Variants in DNAH3 observed in about 807,000 individuals in gnomAD.
DNAH3 encodes the protein axonemal beta dynein heavy chain 3.
DNAH3 carries 332 observed loss-of-function variants against 432.5 expected under a neutral mutation model. That is an observed-to-expected ratio of 0.77 (90% CI 0.70 to 0.84). The LOEUF is 0.84. Among genes scored for constraint, DNAH3 ranks in the 40% least tolerant of loss-of-function variants. The pLI, the probability that DNAH3 is intolerant of heterozygous loss-of-function variation, is 0.00. For synonymous variants in DNAH3, 1,956 were observed against 1,900.2 expected, an observed-to-expected ratio of 1.03 and a Z score of -0.76; for missense variants, 4,861 against 5,114.0, an observed-to-expected ratio of 0.95 and a Z score of 1.51.
rs749685068 is a variant in DNAH3, at chr16:21,122,137, T to C, written c.1405-13A>G. 2.3e-5 allele frequency: 36 copies of C among 1,597,814 alleles called. No individual in the cohort carries two copies. The highest frequency in any genetic ancestry group is 2.9e-5 in the Non-Finnish European group (34 of 1,173,320). On this transcript the variant is annotated splice_polypyrimidine_tract_variant and intron_variant, in intron 9 of 61. Transcript: ENST00000261383. The stretch of plus-strand genomic sequence containing the variant: ...AATCATTCCCATCCTTCAGGAGACA[T>C]AAGGTAGGGCAAGCGTTACAAAATT...
intron 50 of DNAH3, among the ~76,000 whole-genome samples, chr16:20,977,718 T>C (rs919374119): frequency 2.0e-5 from 3 of 152,230 alleles, no homozygotes; most frequent in Non-Finnish European, 4.4e-5. Context: ...GGCTTCTTTG[T>C]GTATCACATG....
chr16:21,010,923 T>G (rs955425942), intron 41 of DNAH3, among the ~76,000 whole-genome samples: 9 of 151,468 alleles, frequency 5.9e-5, no homozygotes, highest in African/African-American at 1.9e-4. Flanking sequence ...TTTTGTTTTG[T>G]TTTTTAAAAA....
intron 44 of DNAH3, among the ~76,000 whole-genome samples, chr16:20,989,359 C>T (rs1009110627): frequency 6.6e-6 from 1 of 151,780 alleles, no homozygotes; most frequent in Non-Finnish European, 1.5e-5. Context: ...ACTCACAAAC[C>T]TTGAGCTAAA....
At chr16:20,954,849 C>T (rs1003638234) in exon 55 of DNAH3, 13 of 1,613,970 alleles carry the variant, frequency 8.1e-6, no homozygotes, top group Admixed American at 3.3e-5. Context: ...TGAACAACGG[C>T]GTGGAAGAAA....
Position 21,104,403 on chromosome 16 carries a change from C to G in DNAH3, c.2366+68G>C, listed in dbSNP as rs775652405. 11 of 1,418,110 alleles carry G rather than the reference C, an allele frequency of 7.8e-6. No homozygotes were observed. The South Asian group carries it at 1.3e-4, about 16-fold the overall frequency. 87.8% of individuals were successfully genotyped at this position (1,418,110 alleles called of 1,614,324 possible). A position where few individuals can be genotyped will look rare whatever the true frequency, so the allele number is the denominator to read the frequency against. The stretch of plus-strand genomic sequence containing the variant: ...AGCTGGGGGATGGCTTAGACAGAAC[C>G]AGGAACCTGCAGCATGGGTGAAGAA... On this transcript the variant is annotated intron_variant, in intron 16 of 61. Coordinates refer to ENST00000261383, the Ensembl canonical transcript of DNAH3.
At chr16:21,088,356 C>T (rs2091441510) in intron 18 of DNAH3, among the ~76,000 whole-genome samples, 1 of 152,102 alleles carries the variant, frequency 6.6e-6, no homozygotes, top group Non-Finnish European at 1.5e-5. Flanking sequence ...GTAGGTAAGG[C>T]TAACACTTCA....
chr16:21,095,281 T>A (rs1304626013), intron 18 of DNAH3, among the ~76,000 whole-genome samples: 1 of 152,224 alleles, frequency 6.6e-6, no homozygotes, highest in East Asian at 1.9e-4. Flanking sequence ...TTACAGCATC[T>A]CTATTTATAA....
At chr16:21,146,493 T>G (rs1597489458) in intron 1 of DNAH3, among the ~76,000 whole-genome samples, 1 of 152,062 alleles carries the variant, frequency 6.6e-6, no homozygotes, top group South Asian at 2.1e-4. Flanking sequence ...GACGCGGAGG[T>G]TGCGGTGAGC....
chr16:21,057,789 C>T (rs2090188207), intron 27 of DNAH3, among the ~76,000 whole-genome samples: 1 of 151,974 alleles, frequency 6.6e-6, no homozygotes, highest in Non-Finnish European at 1.5e-5. Flanking sequence ...AGGAGGTCTC[C>T]CCTGGTGGAA....
At chr16:21,145,886 T>A (rs1244298745) in intron 2 of DNAH3, 98 bp downstream of exon 3, 2 of 817,068 alleles carry the variant, frequency 2.4e-6, no homozygotes, top group African/African-American at 3.4e-5. Flanking sequence ...TGTTTGACTC[T>A]CCACCCTCAT....
chr16:21,019,349 G>A (rs1276956280), intron 41 of DNAH3: 4 of 408,068 alleles, frequency 9.8e-6, no homozygotes, highest in African/African-American at 2.0e-5. Flanking sequence ...TAATAGAGAC[G>A]GGGTTTCACC....
chr16:21,156,581 T>TCACCTCC (rs1236746516), intron 1 of DNAH3, among the ~76,000 whole-genome samples: 1 of 152,124 alleles, frequency 6.6e-6, no homozygotes, highest in African/African-American at 2.4e-5. Context: ...CATGACCTAA[T>TCACCTCC]CACCTCCCAA....
At chr16:20,973,317 A>T (rs1163988643) in intron 51 of DNAH3, among the ~76,000 whole-genome samples, 1 of 151,700 alleles carries the variant, frequency 6.6e-6, no homozygotes, top group African/African-American at 2.4e-5. Context: ...CATTGGTGCG[A>T]TCTCAACGCA....
exon 3 of DNAH3, chr16:21,145,285 G>A: frequency 6.2e-7 from 1 of 1,614,164 alleles, no homozygotes; most frequent in Non-Finnish European, 8.5e-7. Flanking sequence ...GGCCATCAAG[G>A]AGTAGTTGTT....
exon 53 of DNAH3, chr16:20,965,065 T>C (rs2084992382): frequency 6.2e-7 from 1 of 1,614,024 alleles, no homozygotes; most frequent in African/African-American, 1.3e-5. Context: ...AAAGTCGTCA[T>C]TCAGGGCCTG....
chr16:21,140,831 T>A, intron 4 of DNAH3, 121 bp from the exon 6 acceptor site: 1 of 798,536 alleles, frequency 1.3e-6, no homozygotes, highest in Non-Finnish European at 2.0e-6. Context: ...CTCCTCTGTG[T>A]CATCTAATGG....
In DNAH3 at chr16:21,078,275, C is replaced by CAAA. The variant is rs1202846920; in HGVS notation, c.2970-2717_2970-2715dup. Among the ~76,000 whole-genome samples, 790 of 83,526 alleles carry CAAA rather than the reference C, an allele frequency of 9.5e-3. 15 individuals are homozygous for CAAA. Among genetic ancestry groups the CAAA allele is most frequent in the African/African-American group, 0.031 (703 of 22,584 alleles). The allele number at this position is 83,526 out of a possible 152,430, so 54.8% of individuals were successfully genotyped here. A position where few individuals can be genotyped will look rare whatever the true frequency, so the allele number is the denominator to read the frequency against. ...GGGCAACAAGAGTAAAATTCCGTCT[C>CAAA]AAAAAAAAAAAAAAAAAAAAGAGTA... On this transcript the variant is annotated intron_variant, in intron 20 of 61. Coordinates refer to ENST00000261383, the Ensembl canonical transcript of DNAH3.
chr16:21,042,897 C>T (rs1292135129), intron 31 of DNAH3, among the ~76,000 whole-genome samples: 1 of 152,112 alleles, frequency 6.6e-6, no homozygotes, highest in African/African-American at 2.4e-5. Flanking sequence ...GTTCAGTTCC[C>T]ACCTATGAGT....
Position 20,965,790 on chromosome 16 carries a change from G to A in DNAH3, c.8459-365C>T, listed in dbSNP as rs1444057460. ...TTCAGTGGCACGATCTTGGCTCACTGCAACCTTCGCCTCCTGGGTTCAAGT... is the reference window on the plus strand; with the variant it reads ...TTCAGTGGCACGATCTTGGCTCACTACAACCTTCGCCTCCTGGGTTCAAGT... On this transcript the variant is annotated intron_variant, in intron 52 of 61. Transcript: ENST00000261383. 2.6e-5 allele frequency among the ~76,000 whole-genome samples: 4 copies of A among 152,140 alleles called. No individual in the cohort carries two copies. In the East Asian group the frequency reaches 5.8e-4, roughly 22 times the overall value.
Sources: allele counts gnomAD v4.1 joint callset (sites outside exome capture counted in the v4.1 genomes callset), GRCh38; gene constraint gnomAD v4.1.1; transcripts MANE v1.5; gene names NCBI Gene and HGNC (gene_info 2026-07-23, HGNC 2026-07-21).